ATP6V0A2: variants seen among roughly 807,000 people sequenced by gnomAD.
ATP6V0A2 encodes the protein V-type proton ATPase 116 kDa subunit a 2.
A neutral mutation model predicts 104.4 loss-of-function variants in ATP6V0A2; 58 were observed. The ratio of observed to expected loss-of-function variants is 0.56; its 90% confidence interval spans 0.45 to 0.69. ATP6V0A2 has a LOEUF of 0.69. Among genes scored for constraint, ATP6V0A2 ranks in the 30% least tolerant of loss-of-function variants. The pLI, the probability that ATP6V0A2 is intolerant of heterozygous loss-of-function variation, is 0.00. For synonymous variants in ATP6V0A2, 376 were observed against 397.9 expected (o/e 0.95, Z 0.65); for missense variants, 938 against 1,062.9 (o/e 0.88, Z 1.63).
chr12:123,735,453 G>A, intron 7 of ATP6V0A2, 78 bp from the exon 8 acceptor site: 1 of 1,366,672 alleles, frequency 7.3e-7, no homozygotes, highest in Non-Finnish European at 1.0e-6. Context: ...CGTTTTGCCA[G>A]AAGATGTGCC....
chr12:123,737,124 C>T lies in ATP6V0A2; in HGVS notation c.891C>T (p.Ser297=). The change falls in exon 9 of 20, where the codon AGC becomes AGT. Residue 297 remains serine, a synonymous_variant. Coordinates refer to ENST00000330342, the MANE Select transcript of ATP6V0A2 (RefSeq NM_012463.4). ...VLCKAAESVY[S]RVIQVKKMKA... is the part of the protein sequence containing the mutation. Reference sequence around the variant, plus strand: ...GTAAAGCCGCCGAGTCTGTCTACAGCCGTGTGATCCAGGTGAAGAAAATGA... The same window carrying T: ...GTAAAGCCGCCGAGTCTGTCTACAGTCGTGTGATCCAGGTGAAGAAAATGA... 6.2e-7 allele frequency: 1 copy of T among 1,614,222 alleles called. No homozygotes were observed. Among genetic ancestry groups the T allele is most frequent in the Non-Finnish European group, 8.5e-7 (1 of 1,180,044 alleles).
At chr12:123,747,958 C>T (rs140783948) in intron 14 of ATP6V0A2, among the ~76,000 whole-genome samples, 1 of 152,234 alleles carries the variant, frequency 6.6e-6, no homozygotes, top group East Asian at 1.9e-4. Context: ...ACTAGGAGTT[C>T]AGCAGTGAGG....
chr12:123,722,272 A>T, intron 2 of ATP6V0A2, 79 bp from the exon 3 acceptor site: 1 of 967,372 alleles, frequency 1.0e-6, no homozygotes, highest in Non-Finnish European at 1.7e-6. Flanking sequence ...CTTGGGAAAC[A>T]TTGGGCTTTA....
intron 6 of ATP6V0A2, chr12:123,731,214 A>C (rs544991013): frequency 6.6e-6 from 1 of 152,362 alleles, no homozygotes; most frequent in Admixed American, 6.5e-5. Flanking sequence ...GCCACTGTTT[A>C]CATGCCAAGT....
chr12:123,737,702 T>G, intron 9 of ATP6V0A2: 2 of 222,970 alleles, frequency 9.0e-6, no homozygotes, highest in South Asian at 6.4e-5. Context: ...TGCAGTGGCT[T>G]CCTCCCACCC....
intron 9 of ATP6V0A2, among the ~76,000 whole-genome samples, chr12:123,743,558 C>T (rs1956629389): frequency 6.6e-6 from 1 of 152,026 alleles, no homozygotes; most frequent in Admixed American, 6.6e-5. Context: ...GAGGCTGAGG[C>T]AGGGGAATCG....
Position 123,724,753 on chromosome 12 carries a change from C to T in ATP6V0A2, c.394C>T (p.Leu132=). 2 of 1,613,276 alleles carry T rather than the reference C, an allele frequency of 1.2e-6. No individual in the cohort carries two copies. The highest frequency in any genetic ancestry group is 1.7e-6 in the Non-Finnish European group (2 of 1,179,416). ...GGAACTGATAGAGTACACTCACATG[C>T]TGAGAGTGACAAAGACCTTTGTGAA... ...LLELIEYTHM[L]RVTKTFVKRN... Residue 132 remains leucine, a synonymous_variant, in exon 4 of 20, where the codon CTG becomes TTG. Transcript: ENST00000330342.
At chr12:123,741,946 C>T (rs887977502) in intron 9 of ATP6V0A2, among the ~76,000 whole-genome samples, 3 of 152,144 alleles carry the variant, frequency 2.0e-5, no homozygotes, top group Non-Finnish European at 2.9e-5. Flanking sequence ...AATGCAAACA[C>T]GTCGGGTCCT....
chr12:123,741,574 G>A (rs1429607170), intron 9 of ATP6V0A2, among the ~76,000 whole-genome samples: 1 of 152,080 alleles, frequency 6.6e-6, no homozygotes, highest in African/African-American at 2.4e-5. Flanking sequence ...CTGAGTAGCT[G>A]GAACTACAGG....
chr12:123,737,648 A>G (rs568083253), intron 9 of ATP6V0A2: 1 of 309,208 alleles, frequency 3.2e-6, no homozygotes, highest in South Asian at 3.0e-5. Context: ...ATTCATTCAC[A>G]TGGTGTAAAA....
chr12:123,719,390 T>TA (rs912635654), intron 2 of ATP6V0A2, among the ~76,000 whole-genome samples: 5 of 123,922 alleles, frequency 4.0e-5, no homozygotes, highest in African/African-American at 2.2e-4. Flanking sequence ...ACAAAGCTTG[T>TA]TTTTTTTTTT....
intron 15 of ATP6V0A2, among the ~76,000 whole-genome samples, chr12:123,749,637 A>T (rs141474127): frequency 6.6e-6 from 1 of 152,352 alleles, no homozygotes; most frequent in African/African-American, 2.4e-5. Flanking sequence ...TGCACAATCC[A>T]GCTACTCAGT....
In ATP6V0A2 at chr12:123,753,546, G is replaced by C. The variant is rs575138184; in HGVS notation, c.2176-874G>C. 1.6e-4 allele frequency among the ~76,000 whole-genome samples: 24 copies of C among 152,324 alleles called. No homozygotes were observed. In the South Asian group the frequency reaches 5.0e-3, roughly 32 times the overall value. On this transcript the variant is annotated intron_variant, in intron 17 of 19. Coordinates refer to ENST00000330342, the MANE Select transcript of ATP6V0A2 (RefSeq NM_012463.4). ...AAGACAGTAGTCACAGTGGGTCAGG[G>C]CCCACCTCCTGACCTCACTCAACCT...
rs7301641 is a variant in ATP6V0A2, at chr12:123,722,551, T to C, written c.294+103T>C. ...GCTTTTCTGCCTTTCTTCTCAAAACTATGGAAGATGGTGATCTCTCTAGGC... is the reference window on the plus strand; with the variant it reads ...GCTTTTCTGCCTTTCTTCTCAAAACCATGGAAGATGGTGATCTCTCTAGGC... On this transcript the variant is annotated intron_variant, in intron 3 of 19. Coordinates refer to ENST00000330342, the MANE Select transcript of ATP6V0A2 (RefSeq NM_012463.4). The C allele has an allele frequency of 0.66, 500,098 of 752,908 alleles. 169,121 individuals are homozygous for C. The highest frequency in any genetic ancestry group is 0.96 in the East Asian group (36,786 of 38,514). The allele number at this position is 752,908 out of a possible 1,614,324, so 46.6% of individuals were successfully genotyped here.
intron 15 of ATP6V0A2, 99 bp downstream of exon 15, chr12:123,748,884 G>A: frequency 8.4e-7 from 1 of 1,190,342 alleles, no homozygotes; most frequent in Non-Finnish European, 1.2e-6. Flanking sequence ...ACAGGAGCCT[G>A]GGAAGGCTGC....
intron 14 of ATP6V0A2, among the ~76,000 whole-genome samples, chr12:123,748,003 C>T (rs1386346581): frequency 6.6e-6 from 1 of 152,122 alleles, no homozygotes; most frequent in Non-Finnish European, 1.5e-5. Context: ...AGTGGAGCTT[C>T]CATTCAAGTG....
At chr12:123,717,314 C>CAAAAAAAA (rs538974425) in intron 1 of ATP6V0A2, among the ~76,000 whole-genome samples, 2 of 106,844 alleles carry the variant, frequency 1.9e-5, no homozygotes, top group African/African-American at 7.5e-5. Flanking sequence ...AACTCTGTCT[C>CAAAAAAAA]AAAAAAAAAA....
At chr12:123,727,292 CT>C (rs10607481) in intron 5 of ATP6V0A2, among the ~76,000 whole-genome samples, 1,584 of 146,868 alleles carry the variant, frequency 0.011, 17 homozygotes, top group African/African-American at 0.035. Flanking sequence ...GAATTTCTCT[CT>C]TTTTTTTTTT....
At chr12:123,732,976 A>T (rs1019735462) in intron 6 of ATP6V0A2, 5 of 152,112 alleles carry the variant, frequency 3.3e-5, no homozygotes, top group Non-Finnish European at 7.3e-5. Flanking sequence ...GGATACTTGT[A>T]AATACAGGGT....
Sources: gnomAD v4.1 joint callset for allele counts (sites outside exome capture counted in the v4.1 genomes callset) on GRCh38, gnomAD v4.1.1 for gene constraint, MANE v1.5 for transcripts, NCBI Gene and HGNC (gene_info 2026-07-23, HGNC 2026-07-21) for gene names.